Variants in IL1RAPL1 observed in about 807,000 individuals in gnomAD.
IL1RAPL1 encodes the protein interleukin-1 receptor accessory protein-like 1.
Under a neutral mutation model 48.4 loss-of-function variants are expected in IL1RAPL1, and 3 were observed. The ratio of observed to expected loss-of-function variants is 0.06; its 90% CI spans 0.03 to 0.16. The LOEUF is 0.16. IL1RAPL1 is among the 10% of genes least tolerant of loss of function. The pLI is 1.00. For missense variants in IL1RAPL1, 349 were observed against 530.6 expected (o/e 0.66, Z 3.36); for synonymous variants, 185 against 187.7 (o/e 0.99, Z 0.12).
At chrX:28,810,242 G>C (rs1036630187) in intron 2 of IL1RAPL1, among the ~76,000 whole-genome samples, 15 of 110,150 alleles carry the variant, frequency 1.4e-4, no homozygotes, top group African/African-American at 4.9e-4. Flanking sequence ...GCCTGGATGA[G>C]ATCACTCAAG....
intron 2 of IL1RAPL1, among the ~76,000 whole-genome samples, chrX:29,171,665 A>G (rs765226734): frequency 1.2e-4 from 14 of 112,368 alleles, no homozygotes; most frequent in Non-Finnish European, 2.4e-4. Context: ...TATAAATAGA[A>G]GTAAAGTTAG....
chrX:28,921,085 G>T (rs929683433), intron 2 of IL1RAPL1, among the ~76,000 whole-genome samples: 4 of 110,863 alleles, frequency 3.6e-5, no homozygotes, highest in Admixed American at 2.9e-4. Flanking sequence ...AGAGCAGAAA[G>T]CTTCCTTCTT....
At chrX:29,559,785 A>G (rs915209604) in intron 5 of IL1RAPL1, among the ~76,000 whole-genome samples, 1 of 111,445 alleles carries the variant, frequency 9.0e-6, no homozygotes, top group African/African-American at 3.3e-5. Context: ...AAAGCTCTAT[A>G]CTTTTATTTC....
At chrX:29,442,435 C>T (rs1353371110) in intron 5 of IL1RAPL1, among the ~76,000 whole-genome samples, 2 of 111,469 alleles carry the variant, frequency 1.8e-5, no homozygotes, top group Admixed American at 1.9e-4. Context: ...ACCAAAATCT[C>T]ACAAATCACC....
chrX:29,768,905 A>G (rs1333776308), intron 6 of IL1RAPL1, among the ~76,000 whole-genome samples: 1 of 111,557 alleles, frequency 9.0e-6, no homozygotes, highest in African/African-American at 3.3e-5. Flanking sequence ...TTTTGTCTAC[A>G]TATCAGCTTG....
chrX:28,844,179 G>A (rs1037040728), intron 2 of IL1RAPL1, among the ~76,000 whole-genome samples: 1 of 105,497 alleles, frequency 9.5e-6, no homozygotes. Context: ...TCATATGGTC[G>A]GAAATTCAAA....
chrX:29,555,076 C>T (rs1220755751), intron 5 of IL1RAPL1, among the ~76,000 whole-genome samples: 1 of 112,694 alleles, frequency 8.9e-6, no homozygotes, highest in Non-Finnish European at 1.9e-5. Context: ...ACAGGCCCTG[C>T]CAGACCACCT....
chrX:28,866,696 G>T (rs1307559136), intron 2 of IL1RAPL1, among the ~76,000 whole-genome samples: 1 of 111,322 alleles, frequency 9.0e-6, no homozygotes, highest in Non-Finnish European at 1.9e-5. Flanking sequence ...CCTGTAAGCT[G>T]TATTTTATTA....
intron 6 of IL1RAPL1, among the ~76,000 whole-genome samples, chrX:29,887,639 A>G (rs1305494460): frequency 1.8e-5 from 2 of 109,880 alleles, no homozygotes; most frequent in Admixed American, 1.0e-4. Context: ...ATGTGGATAC[A>G]ATAGCAAAAG....
intron 2 of IL1RAPL1, among the ~76,000 whole-genome samples, chrX:28,824,828 T>C (rs1261835816): frequency 8.9e-6 from 1 of 111,992 alleles, no homozygotes; most frequent in African/African-American, 3.2e-5. Context: ...AAACACCTTC[T>C]GGCATAGCTT....
At chrX:29,146,800 G>A (rs1477133229) in intron 2 of IL1RAPL1, among the ~76,000 whole-genome samples, 1 of 112,151 alleles carries the variant, frequency 8.9e-6, no homozygotes, top group African/African-American at 3.2e-5. Context: ...ATGCTCTCTA[G>A]TTTGAGCAGG....
At chrX:29,221,012 C>T (rs769348293) in intron 2 of IL1RAPL1, among the ~76,000 whole-genome samples, 7 of 110,844 alleles carry the variant, frequency 6.3e-5, no homozygotes, top group Admixed American at 2.9e-4. Context: ...CTCCACCTAC[C>T]GGGTTCAAGC....
intron 6 of IL1RAPL1, among the ~76,000 whole-genome samples, chrX:29,826,926 A>G (rs781457711): frequency 8.9e-6 from 1 of 111,912 alleles, no homozygotes; most frequent in African/African-American, 3.2e-5. Flanking sequence ...TTTTTGAGGA[A>G]CTGCCAAACT....
chrX:28,969,468 C>CTT (rs756857321), intron 2 of IL1RAPL1, among the ~76,000 whole-genome samples: 2 of 98,449 alleles, frequency 2.0e-5, no homozygotes, highest in South Asian at 4.4e-4. Flanking sequence ...ATATAGAAAG[C>CTT]TTTTTTTTTT....
At chrX:29,006,575 T>TCTTTATCCATCTTGCCCC (rs1925983887) in intron 2 of IL1RAPL1, among the ~76,000 whole-genome samples, 1 of 108,346 alleles carries the variant, frequency 9.2e-6, no homozygotes, top group African/African-American at 3.4e-5. Context: ...CATCTTGCCC[T>TCTTTATCCATCTTGCCCC]CAATCTCTGG....
intron 5 of IL1RAPL1, among the ~76,000 whole-genome samples, chrX:29,576,125 C>G (rs968431059): frequency 8.9e-6 from 1 of 111,806 alleles, no homozygotes; most frequent in African/African-American, 3.3e-5. Flanking sequence ...CTGGTTTTCT[C>G]CAGGTGTGGA....
chrX:29,195,426 G>A (rs1003579145), intron 2 of IL1RAPL1, among the ~76,000 whole-genome samples: 3 of 111,595 alleles, frequency 2.7e-5, no homozygotes, highest in African/African-American at 9.8e-5. Context: ...AGTGGCTTTT[G>A]TTTTAGGCTT....
At chrX:28,950,120 G>A (rs1274827916) in intron 2 of IL1RAPL1, among the ~76,000 whole-genome samples, 1 of 100,274 alleles carries the variant, frequency 1.0e-5, no homozygotes, top group African/African-American at 3.7e-5. Context: ...TTTTGTATAA[G>A]GTGTAAGGAA....
chrX:29,342,143 TGTGTGTGTGTG>T (rs1389089121), intron 3 of IL1RAPL1, among the ~76,000 whole-genome samples: 3,409 of 102,908 alleles, frequency 0.033, 136 homozygotes, highest in African/African-American at 0.12. Flanking sequence ...TGTGTGTGTG[TGTGTGTGTGTG>T]TTTGTTTTGT....
Sources: allele counts gnomAD v4.1 joint callset (sites outside exome capture counted in the v4.1 genomes callset), GRCh38; gene constraint gnomAD v4.1.1; transcripts MANE v1.5; gene names NCBI Gene and HGNC (gene_info 2026-07-23, HGNC 2026-07-21).